Variants in KHNYN observed in about 807,000 individuals in gnomAD.
KHNYN encodes the protein protein KHNYN.
Under a neutral mutation model 62.7 loss-of-function variants are expected in KHNYN, and 42 were observed. That is an observed-to-expected ratio of 0.67 (90% CI 0.52 to 0.87). The LOEUF is 0.87. Ranked by LOEUF, KHNYN falls within the 40% of genes least tolerant of loss-of-function variation. KHNYN has a pLI of 0.00. For missense variants in KHNYN, 829 were observed against 874.1 expected (o/e 0.95, Z 0.65); for synonymous variants, 347 against 345.6 (o/e 1.00, Z -0.04).
At position 24,440,765 on chromosome 14, in the gene KHNYN, C is replaced by T; in HGVS notation, c.*3480C>T. 6.2e-7 allele frequency: 1 copy of T among 1,612,892 alleles called. No homozygotes were observed. ...GAAGACATTCCAACCCTGTCTGATACCCAGGCCCGTTTCTCACCTGAGCGC... is the reference window on the plus strand; with the variant it reads ...GAAGACATTCCAACCCTGTCTGATATCCAGGCCCGTTTCTCACCTGAGCGC... On this transcript the variant is annotated 3_prime_UTR_variant, in exon 8 of 8. Coordinates refer to ENST00000553935, the MANE Select transcript of KHNYN (RefSeq NM_015299.3).
In KHNYN at chr14:24,431,960, G is replaced by A; in HGVS notation, c.699G>A (p.Glu233=). ...GVRAPPSDGR[E]SLDTGSMGPG... is the part of the protein sequence containing the mutation. ...GAGCTCCCCCTAGTGACGGCAGGGAGTCCCTGGACACTGGATCTATGGGAC... is the reference window on the plus strand; with the variant it reads ...GAGCTCCCCCTAGTGACGGCAGGGAATCCCTGGACACTGGATCTATGGGAC... The change falls in exon 3 of 8, where the codon GAG becomes GAA. Residue 233 remains glutamate, a synonymous_variant. Transcript: ENST00000553935. 1.2e-6 allele frequency: 2 copies of A among 1,613,144 alleles called. No homozygotes were observed. Among genetic ancestry groups the A allele is most frequent in the Non-Finnish European group, 1.7e-6 (2 of 1,179,332 alleles).
Position 24,441,502 on chromosome 14 carries a change from T to C in KHNYN, c.*4217T>C, listed in dbSNP as rs952611479. 5 of 582,260 alleles carry C rather than the reference T, an allele frequency of 8.6e-6. No individual in the cohort carries two copies. Among genetic ancestry groups the C allele is most frequent in the Non-Finnish European group, 1.4e-5 (5 of 347,788 alleles). 36.1% of individuals were successfully genotyped at this position (582,260 alleles called of 1,614,324 possible). On this transcript the variant is annotated 3_prime_UTR_variant, in exon 8 of 8. Transcript: ENST00000553935. ...CACTCCCCACTGTTTTTTCAGGGTC[T>C]CAATTTCTTAGTGAAAGTACACAAA... is the stretch of plus-strand genomic sequence containing the variant.
upstream of KHNYN, chr14:24,429,086 C>G: frequency 6.8e-7 from 1 of 1,463,766 alleles, no homozygotes; most frequent in Non-Finnish European, 9.1e-7. Context: ...ACAAGTGCCC[C>G]GGTCTTCTGC....
upstream of KHNYN, chr14:24,429,396 A>G: frequency 5.2e-6 from 3 of 580,650 alleles, no homozygotes; most frequent in Admixed American, 2.2e-5. Flanking sequence ...ACCTGGGGGG[A>G]TGGAGAACAT....
Position 24,441,096 on chromosome 14 carries a change from T to C in KHNYN, c.*3811T>C, listed in dbSNP as rs1477795255. 8.7e-6 allele frequency: 6 copies of C among 692,458 alleles called. No individual in the cohort carries two copies. The highest frequency in any genetic ancestry group is 2.1e-5 in the African/African-American group (1 of 48,228). 42.9% of individuals were successfully genotyped at this position (692,458 alleles called of 1,614,324 possible). A position where few individuals can be genotyped will look rare whatever the true frequency, so the allele number is the denominator to read the frequency against. ...ACTTCTCCATGACCTGAAGCGTTCC[T>C]TCCCTGGAGGAACTCTGGTTGCAGG... On this transcript the variant is annotated 3_prime_UTR_variant, in exon 8 of 8. Coordinates refer to ENST00000553935, the MANE Select transcript of KHNYN (RefSeq NM_015299.3).
upstream of KHNYN, chr14:24,429,915 G>A: frequency 9.9e-7 from 1 of 1,008,126 alleles, no homozygotes; most frequent in Non-Finnish European, 1.2e-6. Flanking sequence ...GGAGGAGCTG[G>A]GCTGACTCCG....
chr14:24,440,748 T>A lies in KHNYN; in HGVS notation c.*3463T>A, dbSNP rs776791842. The A allele has an allele frequency of 1.2e-6, 2 of 1,609,968 alleles. No homozygotes were observed. The highest frequency in any genetic ancestry group is 4.5e-5 in the East Asian group (2 of 44,858). On this transcript the variant is annotated 3_prime_UTR_variant, in exon 8 of 8. Transcript: ENST00000553935. ...CACTTCCCCAGCCCAGAGAAGACAT[T>A]CCAACCCTGTCTGATACCCAGGCCC...
the KHNYN span, among the ~76,000 whole-genome samples, chr14:24,423,219 G>A: frequency 6.6e-6 from 1 of 152,192 alleles, no homozygotes; most frequent in South Asian, 2.1e-4. Context: ...CTACCTGCAG[G>A]AATAGATAGA....
At chr14:24,428,382 G>A (rs1244055057), upstream of KHNYN, 4 of 1,613,800 alleles carry the variant, frequency 2.5e-6, no homozygotes, top group Non-Finnish European at 3.4e-6. Context: ...CCCGGTCAAA[G>A]CCACCGCCCT....
In KHNYN at chr14:24,432,841, C is replaced by G; in HGVS notation, c.1469C>G (p.Ala490Gly). ...CCTCAGTGGCGCTTCAGTAAGGATGCCAAAGTCAGAGGTGAGTTGGGCCTG... is the reference window on the plus strand; with the variant it reads ...CCTCAGTGGCGCTTCAGTAAGGATGGCAAAGTCAGAGGTGAGTTGGGCCTG... ...FVPQWRFSKDAKVRESHFLQK... is the reference protein window; with the variant it reads ...FVPQWRFSKDGKVRESHFLQK... The change falls in exon 4 of 8, where the codon GCC becomes GGC. Residue 490 changes from alanine (A) to glycine (G), a missense_variant. Coordinates refer to ENST00000553935, the MANE Select transcript of KHNYN (RefSeq NM_015299.3). This position sits in a 1 kb window ranked among gnomAD's most constrained non-coding sequence, Gnocchi z 5.6. 6.2e-7 allele frequency: 1 copy of G among 1,614,216 alleles called. No individual in the cohort carries two copies. The highest frequency in any genetic ancestry group is 1.1e-5 in the South Asian group (1 of 91,082).
chr14:24,428,967 C>T (rs776946776), upstream of KHNYN: 14 of 1,551,262 alleles, frequency 9.0e-6, no homozygotes, highest in South Asian at 3.6e-5. Flanking sequence ...TGGGCCCACC[C>T]GGCCCCCAGG....
At chr14:24,430,421 C>T (rs1195943275) in intron 1 of KHNYN, 74 of 1,214,636 alleles carry the variant, frequency 6.1e-5, no homozygotes, top group Non-Finnish European at 7.6e-5. Flanking sequence ...CTTCTGGCCT[C>T]CAGGCCGAGC....
In KHNYN at chr14:24,432,073, G is replaced by C. The variant is rs912561932; in HGVS notation, c.812G>C (p.Gly271Ala). 5 of 1,567,506 alleles carry C rather than the reference G, an allele frequency of 3.2e-6. No individual in the cohort carries two copies. The African/African-American group carries it at 6.8e-5, about 21-fold the overall frequency. ...KQGGPREMDW[G>A]WKELPGEEAW... ...GGTGGTCCCAGGGAGATGGATTGGG[G>C]GTGGAAGGAGTTGCCTGGGGAAGAG... is the stretch of plus-strand genomic sequence containing the variant. The change falls in exon 3 of 8, where the codon GGG (glycine) becomes GCG (alanine). Residue 271 changes from glycine to alanine, a missense_variant. Physicochemically the swap from Gly to Ala is moderately conservative, Grantham distance 60 (BLOSUM62 0). Transcript: ENST00000553935. This position sits in a 1 kb window ranked among gnomAD's most constrained non-coding sequence, Gnocchi z 5.6.
In KHNYN at chr14:24,432,872, C is replaced by T; in HGVS notation, c.1480+20C>T. On this transcript the variant is annotated intron_variant, in intron 4 of 7. Transcript: ENST00000553935. This position sits in a 1 kb window ranked among gnomAD's most constrained non-coding sequence, Gnocchi z 5.6. ...TCAGAGGTGAGTTGGGCCTGGTCTT[C>T]AGTGTCCCAGGATAGGCTCTGTTTC... The T allele has an allele frequency of 6.2e-7, 1 of 1,614,226 alleles. No homozygotes were observed. The highest frequency in any genetic ancestry group is 1.6e-4 in the Middle Eastern group (1 of 6,062).
At chr14:24,429,102 T>C, upstream of KHNYN, 1 of 1,457,288 alleles carries the variant, frequency 6.9e-7, no homozygotes, top group Non-Finnish European at 9.1e-7. Flanking sequence ...TCTGCCCCTC[T>C]TCTGTTTCCG....
chr14:24,427,677 G>A, upstream of KHNYN: 1 of 963,118 alleles, frequency 1.0e-6, no homozygotes. The surrounding 1 kb of genome is among the most constrained non-coding windows in gnomAD (Gnocchi z 4.4). Flanking sequence ...ATGCAAAGAG[G>A]TGGGATAGGA....
Position 24,431,552 on chromosome 14 carries a change from C to T in KHNYN, c.291C>T (p.Gly97=), listed in dbSNP as rs754994976. ...ACTGCATCTTTCTGGGAGCCCAGGGCTTCTTCCTTGACTGCCTGGCCTGGA... is the reference window on the plus strand; with the variant it reads ...ACTGCATCTTTCTGGGAGCCCAGGGTTTCTTCCTTGACTGCCTGGCCTGGA... ...KLHCIFLGAQ[G]FFLDCLAWST... The change falls in exon 3 of 8, where the codon GGC becomes GGT. Residue 97 remains glycine, a synonymous_variant. Coordinates refer to ENST00000553935, the MANE Select transcript of KHNYN (RefSeq NM_015299.3). 12 of 1,612,646 alleles carry T rather than the reference C, an allele frequency of 7.4e-6. No individual in the cohort carries two copies. The East Asian group carries it at 2.5e-4, about 33-fold the overall frequency.
At position 24,441,262 on chromosome 14, in the gene KHNYN, A is replaced by G. The variant is rs2043330467; in HGVS notation, c.*3977A>G. The G allele has an allele frequency of 4.4e-6, 2 of 455,252 alleles. No homozygotes were observed. The highest frequency in any genetic ancestry group is 8.0e-6 in the Non-Finnish European group (2 of 249,990). The allele number at this position is 455,252 out of a possible 1,614,324, so 28.2% of individuals were successfully genotyped here. A position where few individuals can be genotyped will look rare whatever the true frequency, so the allele number is the denominator to read the frequency against. ...TAACCTCTCTGTATAGAATTTTCACATCTTTAAAATGGGAATAATAGTACC... is the reference window on the plus strand; with the variant it reads ...TAACCTCTCTGTATAGAATTTTCACGTCTTTAAAATGGGAATAATAGTACC... On this transcript the variant is annotated 3_prime_UTR_variant, in exon 8 of 8. Transcript: ENST00000553935.
upstream of KHNYN, chr14:24,428,662 A>C (rs1028077955): frequency 4.3e-6 from 6 of 1,404,760 alleles, no homozygotes; most frequent in Non-Finnish European, 5.8e-6. Flanking sequence ...CTGTTTTCTT[A>C]AAGCCTCAGA....
Sources: gnomAD v4.1 joint callset for allele counts (sites outside exome capture counted in the v4.1 genomes callset) on GRCh38, gnomAD v4.1.1 for gene constraint, Gnocchi (gnomAD v3.1) non-coding constraint, MANE v1.5 for transcripts, NCBI Gene and HGNC (gene_info 2026-07-23, HGNC 2026-07-21) for gene names.